The following PDGFA variants were observed in gnomAD, a reference collection of about 807,000 sequenced individuals.
PDGFA encodes the protein platelet derived growth factor subunit A, also known as platelet-derived growth factor subunit A.
Under a neutral mutation model 25.6 loss-of-function variants are expected in PDGFA, and 9 were observed. The observed-to-expected ratio is 0.35, with a 90% CI of 0.21 to 0.61. PDGFA has a LOEUF of 0.61. Among genes scored for constraint, PDGFA ranks in the 20% least tolerant of loss-of-function variants. PDGFA has a pLI of 0.75. For missense variants in PDGFA, 242 were observed against 272.8 expected (o/e 0.89, Z 0.79); for synonymous variants, 133 against 111.8 (o/e 1.19, Z -1.20).
At chr7:512,240 C>G in intron 3 of PDGFA, 111 bp downstream of exon 3, 3 of 1,043,760 alleles carry the variant, frequency 2.9e-6, no homozygotes, top group Non-Finnish European at 4.2e-6. Flanking sequence ...GAGGCCACTG[C>G]GCTGGGAGAG....
At chr7:498,191 C>T (rs542423206) in exon 6 of PDGFA, 9 of 241,948 alleles carry the variant, frequency 3.7e-5, no homozygotes, top group East Asian at 2.0e-4. Flanking sequence ...TGTGACCACC[C>T]GGACAGAAAT....
At chr7:499,559 G>C (rs1284470554) in intron 5 of PDGFA, among the ~76,000 whole-genome samples, 1 of 152,234 alleles carries the variant, frequency 6.6e-6, no homozygotes, top group Non-Finnish European at 1.5e-5. Flanking sequence ...CCTCCGTGAT[G>C]ATGGCGGCTG....
rs532738856 is a variant in PDGFA at position 510,139 on chromosome 7, C to T, written c.453+670G>A. Among the ~76,000 whole-genome samples, 15 of 152,270 alleles carry T rather than the reference C, an allele frequency of 9.9e-5. No individual in the cohort carries two copies. In the South Asian group the frequency reaches 2.1e-3, roughly 21 times the overall value. ...CCAGACAGCTTCCGGCTAAGCAGCT[C>T]GACACCTCGCAAGGCCCAAAACGGC... On this transcript the variant is annotated intron_variant, in intron 4 of 5. Coordinates refer to ENST00000402802, the Ensembl canonical transcript of PDGFA.
At chr7:519,552 T>C (rs1783273463), upstream of PDGFA, 1 of 146,784 alleles carries the variant, frequency 6.8e-6, no homozygotes, top group Non-Finnish European at 1.5e-5. Context: ...CGGCCTCCTC[T>C]TGCAGCCGCC....
intron 4 of PDGFA, among the ~76,000 whole-genome samples, chr7:505,123 A>G (rs529516563): frequency 6.6e-6 from 1 of 152,366 alleles, no homozygotes; most frequent in East Asian, 1.9e-4. Context: ...CCAAGAACAC[A>G]AAATGAATAT....
chr7:512,808 C>T (rs142283851), intron 2 of PDGFA: 107 of 500,340 alleles, frequency 2.1e-4, no homozygotes, highest in African/African-American at 1.5e-3. Flanking sequence ...AGGGCTGCCC[C>T]GGGGCAGGAG....
chr7:500,783 C>A lies in PDGFA; in HGVS notation c.580+333G>T. ...AACCTGCTCCTCCCGCCCACCCTGG[C>A]AGGAGGCCCTTCTGCAGATTCTTCT... is the stretch of plus-strand genomic sequence containing the variant. On this transcript the variant is annotated intron_variant, in intron 5 of 5. Transcript: ENST00000402802. This position sits in a 1 kb window ranked among gnomAD's most constrained non-coding sequence, Gnocchi z 5.0. The A allele has an allele frequency of 6.9e-7, 1 of 1,443,220 alleles. No individual in the cohort carries two copies. Among genetic ancestry groups the A allele is most frequent in the South Asian group, 1.4e-5 (1 of 70,420 alleles). The allele number at this position is 1,443,220 out of a possible 1,614,324, so 89.4% of individuals were successfully genotyped here.
rs1439366412 is a variant in PDGFA at position 500,797 on chromosome 7, G to A, written c.580+319C>T. ...GCCCACCCTGGCAGGAGGCCCTTCT[G>A]CAGATTCTTCTCAGCTCAGCCCCGC... On this transcript the variant is annotated intron_variant, in intron 5 of 5. Coordinates refer to ENST00000402802, the Ensembl canonical transcript of PDGFA. The surrounding 1 kb of genome is among the most constrained non-coding windows in gnomAD (Gnocchi z 5.0). 4 of 1,450,074 alleles carry A rather than the reference G, an allele frequency of 2.8e-6. No homozygotes were observed. The highest frequency in any genetic ancestry group is 2.4e-5 in the Admixed American group (1 of 41,908). 89.8% of individuals were successfully genotyped at this position (1,450,074 alleles called of 1,614,324 possible).
intron 4 of PDGFA, among the ~76,000 whole-genome samples, chr7:507,179 C>T (rs2128396640): frequency 6.6e-6 from 1 of 152,366 alleles, no homozygotes; most frequent in East Asian, 1.9e-4. Flanking sequence ...GGGTCCAAAG[C>T]CGGATGTTTT....
At chr7:498,837 T>C (rs983271570) in intron 5 of PDGFA, among the ~76,000 whole-genome samples, 2 of 152,198 alleles carry the variant, frequency 1.3e-5, no homozygotes, top group East Asian at 3.8e-4. Flanking sequence ...ATTGTACAGA[T>C]GGGGGAAACT....
At chr7:516,039 A>AGC (rs1383676194) in intron 2 of PDGFA, among the ~76,000 whole-genome samples, 11 of 23,354 alleles carry the variant, frequency 4.7e-4, no homozygotes, top group Non-Finnish European at 9.9e-4. Flanking sequence ...TCCAGGAAGC[A>AGC]GCCCCCCCCC....
At chr7:518,811 G>T (rs1042973402) in intron 1 of PDGFA, 128 bp downstream of exon 1, 66 of 559,794 alleles carry the variant, frequency 1.2e-4, no homozygotes, top group Admixed American at 2.9e-4. Flanking sequence ...ACCCAGTTGG[G>T]AAAATCTAAA....
chr7:514,455 C>A (rs142769197), intron 2 of PDGFA, among the ~76,000 whole-genome samples: 10 of 152,104 alleles, frequency 6.6e-5, no homozygotes, highest in Admixed American at 6.5e-4. Context: ...CTCAAGATGC[C>A]GAGAGTGGAC....
intron 3 of PDGFA, among the ~76,000 whole-genome samples, chr7:511,540 G>A (rs1224470303): frequency 1.3e-5 from 2 of 152,166 alleles, no homozygotes; most frequent in Admixed American, 6.5e-5. Flanking sequence ...CCTGGGGAGG[G>A]CCTGCTTGCA....
chr7:510,039 ACCCC>A (rs75178677), intron 4 of PDGFA, among the ~76,000 whole-genome samples: 1 of 151,062 alleles, frequency 6.6e-6, no homozygotes, highest in African/African-American at 2.4e-5. Flanking sequence ...CTGAATATCC[ACCCC>A]CTACTCCTCC....
chr7:518,956 C>A (rs993302929), exon 1 of PDGFA: 3 of 1,538,080 alleles, frequency 2.0e-6, no homozygotes, highest in East Asian at 5.0e-5. Flanking sequence ...AGAACATGGG[C>A]GAGGTATCCG....
Position 500,691 on chromosome 7 carries a change from C to T in PDGFA, c.580+425G>A. 6.9e-7 allele frequency: 1 copy of T among 1,447,110 alleles called. No homozygotes were observed. Among genetic ancestry groups the T allele is most frequent in the South Asian group, 1.5e-5 (1 of 68,720 alleles). 89.6% of individuals were successfully genotyped at this position (1,447,110 alleles called of 1,614,324 possible). ...AGCAGGGCACAGAAGCCATTCTGCTCCTGGGTGGAGTCCGCGTGGCGGGGT... is the reference window on the plus strand; with the variant it reads ...AGCAGGGCACAGAAGCCATTCTGCTTCTGGGTGGAGTCCGCGTGGCGGGGT... On this transcript the variant is annotated intron_variant, in intron 5 of 5. Transcript: ENST00000402802. This position sits in a 1 kb window ranked among gnomAD's most constrained non-coding sequence, Gnocchi z 5.0.
At chr7:505,466 G>T (rs1782519749) in intron 4 of PDGFA, among the ~76,000 whole-genome samples, 1 of 152,186 alleles carries the variant, frequency 6.6e-6, no homozygotes, top group Admixed American at 6.5e-5. Flanking sequence ...CTGCTACAAA[G>T]CCCAGAAGCT....
intron 4 of PDGFA, among the ~76,000 whole-genome samples, chr7:502,852 C>CCA (rs951350962): frequency 1.3e-5 from 2 of 151,292 alleles, no homozygotes; most frequent in African/African-American, 2.4e-5. Context: ...CAACTCCACC[C>CCA]CACACACACA....
Sources: gnomAD v4.1 joint callset for allele counts (sites outside exome capture counted in the v4.1 genomes callset) on GRCh38, gnomAD v4.1.1 for gene constraint, Gnocchi (gnomAD v3.1) non-coding constraint, MANE v1.5 for transcripts, NCBI Gene and HGNC (gene_info 2026-07-23, HGNC 2026-07-21) for gene names.